Variants in SDHAF3 observed in about 807,000 individuals in gnomAD.
SDHAF3 encodes succinate dehydrogenase complex assembly factor 3.
SDHAF3 carries 18 observed loss-of-function variants against 11.5 expected under a neutral mutation model. The observed-to-expected ratio is 1.56, with a 90% confidence interval of 1.08 to 2.32. The LOEUF (loss-of-function observed/expected upper bound fraction) is 2.32, where lower values mean the gene tolerates loss of function less well. Ranked by LOEUF, SDHAF3 falls within the 30% of genes most tolerant of loss-of-function variation. SDHAF3 has a pLI of 0.00. For missense variants in SDHAF3, 200 were observed against 154.4 expected (o/e 1.30, Z -1.57); for synonymous variants, 72 against 59.3 (o/e 1.21, Z -0.99).
chr7:97,169,603 A>G (rs1789573114), intron 1 of SDHAF3, among the ~76,000 whole-genome samples: 1 of 152,132 alleles, frequency 6.6e-6, no homozygotes, highest in South Asian at 2.1e-4. Context: ...ATAGAATTTG[A>G]ATGCATCATG....
intron 1 of SDHAF3, among the ~76,000 whole-genome samples, chr7:97,147,168 C>CA (rs1789148631): frequency 2.0e-5 from 3 of 152,170 alleles, no homozygotes; most frequent in Admixed American, 1.3e-4. Flanking sequence ...TCACATGCTT[C>CA]AAAATCATAG....
intron 1 of SDHAF3, among the ~76,000 whole-genome samples, chr7:97,148,642 T>C (rs924979747): frequency 1.9e-4 from 29 of 152,258 alleles, no homozygotes; most frequent in African/African-American, 6.8e-4. Flanking sequence ...GGTTTTTCCA[T>C]TTGAAGCATC....
intron 1 of SDHAF3, among the ~76,000 whole-genome samples, chr7:97,151,116 C>T (rs1445823160): frequency 1.3e-5 from 2 of 152,102 alleles, no homozygotes; most frequent in Non-Finnish European, 2.9e-5. Context: ...ACATTTGTTA[C>T]AATAGATGAA....
intron 1 of SDHAF3, among the ~76,000 whole-genome samples, chr7:97,150,089 C>T (rs965832646): frequency 6.6e-6 from 1 of 152,224 alleles, no homozygotes; most frequent in African/African-American, 2.4e-5. Context: ...AATCAGATTA[C>T]AGCAAGTCAG....
intron 1 of SDHAF3, among the ~76,000 whole-genome samples, chr7:97,132,611 T>C (rs1316047744): frequency 6.6e-6 from 1 of 152,226 alleles, no homozygotes; most frequent in African/African-American, 2.4e-5. Flanking sequence ...TACCATGTAG[T>C]AACTGTATTC....
At chr7:97,176,496 C>T (rs1024932292) in intron 1 of SDHAF3, among the ~76,000 whole-genome samples, 1 of 152,164 alleles carries the variant, frequency 6.6e-6, no homozygotes, top group African/African-American at 2.4e-5. Flanking sequence ...CATAAATTCA[C>T]ATTTTACTGC....
intron 1 of SDHAF3, among the ~76,000 whole-genome samples, chr7:97,141,060 G>A (rs1043671858): frequency 1.2e-4 from 19 of 152,216 alleles, no homozygotes; most frequent in African/African-American, 4.3e-4. Flanking sequence ...GGGGATGGCT[G>A]TCTTTTACGG....
chr7:97,156,235 G>A (rs754525702), intron 1 of SDHAF3, among the ~76,000 whole-genome samples: 14 of 152,118 alleles, frequency 9.2e-5, no homozygotes, highest in Non-Finnish European at 1.6e-4. Flanking sequence ...AGTTTTGAAG[G>A]TACACATAGT....
chr7:97,176,148 A>T (rs1279612822), intron 1 of SDHAF3, among the ~76,000 whole-genome samples: 1 of 152,186 alleles, frequency 6.6e-6, no homozygotes, highest in East Asian at 1.9e-4. Context: ...TATAATATAC[A>T]TATAAGGTAA....
chr7:97,137,808 T>A (rs1185223200), intron 1 of SDHAF3, among the ~76,000 whole-genome samples: 1 of 151,776 alleles, frequency 6.6e-6, no homozygotes, highest in African/African-American at 2.4e-5. Flanking sequence ...AATTTATGAT[T>A]ATCTACCAAT....
chr7:97,160,331 C>T (rs917525856), intron 1 of SDHAF3, among the ~76,000 whole-genome samples: 44 of 148,824 alleles, frequency 3.0e-4, no homozygotes, highest in Middle Eastern at 3.5e-3. Flanking sequence ...TCTGCCCAGC[C>T]GCCCCATCTG....
chr7:97,155,847 A>T (rs1789293482), intron 1 of SDHAF3, among the ~76,000 whole-genome samples: 1 of 150,092 alleles, frequency 6.7e-6, no homozygotes, highest in Non-Finnish European at 1.5e-5. Flanking sequence ...ATTAGCTAAT[A>T]TCCGAAGCAT....
At chr7:97,123,788 CTTT>C (rs201123819) in intron 1 of SDHAF3, among the ~76,000 whole-genome samples, 1 of 137,560 alleles carries the variant, frequency 7.3e-6, no homozygotes. Context: ...GCATAAATGT[CTTT>C]TTTTTTTTTT....
intron 1 of SDHAF3, among the ~76,000 whole-genome samples, chr7:97,158,519 G>T (rs575699409): frequency 3.2e-4 from 48 of 152,194 alleles, no homozygotes; most frequent in African/African-American, 1.1e-3. Flanking sequence ...TAGAGACGGG[G>T]TTTCACCATG....
At chr7:97,124,887 A>G (rs989311017) in intron 1 of SDHAF3, among the ~76,000 whole-genome samples, 1 of 152,194 alleles carries the variant, frequency 6.6e-6, no homozygotes, top group African/African-American at 2.4e-5. Flanking sequence ...CAGCTTAAGG[A>G]GTTTTTGGGC....
At chr7:97,141,877 C>T (rs1420265548) in intron 1 of SDHAF3, among the ~76,000 whole-genome samples, 3 of 151,986 alleles carry the variant, frequency 2.0e-5, no homozygotes, top group South Asian at 2.1e-4. Context: ...CAATGTTCTA[C>T]TTATCTTTGT....
intron 1 of SDHAF3, among the ~76,000 whole-genome samples, chr7:97,177,249 T>C (rs1789691913): frequency 6.6e-6 from 1 of 152,060 alleles, no homozygotes; most frequent in South Asian, 2.1e-4. Flanking sequence ...AGGCCTGTAA[T>C]CCCAGCACTT....
chr7:97,172,006 A>G (rs1789607075), intron 1 of SDHAF3, among the ~76,000 whole-genome samples: 4 of 152,072 alleles, frequency 2.6e-5, no homozygotes, highest in Non-Finnish European at 4.4e-5. Flanking sequence ...TCCTATAGCT[A>G]TTCCTTCCTT....
intron 1 of SDHAF3, among the ~76,000 whole-genome samples, chr7:97,144,915 T>C (rs1789113068): frequency 6.6e-6 from 1 of 152,244 alleles, no homozygotes; most frequent in African/African-American, 2.4e-5. Context: ...ATTTTCACAA[T>C]ATTGATGTTA....
Sources: gnomAD v4.1 joint callset for allele counts (sites outside exome capture counted in the v4.1 genomes callset) on GRCh38, gnomAD v4.1.1 for gene constraint, MANE v1.5 for transcripts, NCBI Gene and HGNC (gene_info 2026-07-23, HGNC 2026-07-21) for gene names.